PDE1A: variants seen among roughly 807,000 people sequenced by gnomAD.
PDE1A encodes the protein phosphodiesterase 1A, also known as dual specificity calcium/calmodulin-dependent 3',5'-cyclic nucleotide phosphodiesterase 1A.
A neutral mutation model predicts 61.7 loss-of-function variants in PDE1A; 35 were observed. The ratio of observed to expected loss-of-function variants is 0.57; its 90% confidence interval spans 0.43 to 0.75. The LOEUF is 0.75. Among genes scored for constraint, PDE1A ranks in the 30% least tolerant of loss-of-function variants. The pLI, the probability that PDE1A is intolerant of heterozygous loss-of-function variation, is 0.00. For synonymous variants in PDE1A, 232 were observed against 213.2 expected (o/e 1.09, Z -0.77); for missense variants, 597 against 630.6 (o/e 0.95, Z 0.57).
chr2:182,364,468 A>AAAAAAAAAAAAAAAAC (rs1699706397), intron 1 of PDE1A, among the ~76,000 whole-genome samples: 2 of 109,332 alleles, frequency 1.8e-5, no homozygotes, highest in Admixed American at 1.8e-4. Flanking sequence ...CACTTTGGTA[A>AAAAAAAAAAAAAAAAC]AAAAAAAAAA....
At chr2:182,166,982 C>T (rs560913408), downstream of PDE1A, among the ~76,000 whole-genome samples, 27 of 152,226 alleles carry the variant, frequency 1.8e-4, no homozygotes, top group African/African-American at 6.3e-4. Context: ...ACTTAGCTAA[C>T]CTTAAACTGA....
intron 1 of PDE1A, among the ~76,000 whole-genome samples, chr2:182,357,099 G>A (rs1227698421): frequency 6.6e-6 from 1 of 151,886 alleles, no homozygotes; most frequent in Non-Finnish European, 1.5e-5. Flanking sequence ...GTTAATGGGT[G>A]CAGCACACCA....
intron 1 of PDE1A, among the ~76,000 whole-genome samples, chr2:182,347,036 G>A (rs969192237): frequency 1.1e-4 from 16 of 152,094 alleles, no homozygotes; most frequent in African/African-American, 3.4e-4. Context: ...TGAAACCAAA[G>A]CTGAGATAAA....
At chr2:182,468,078 T>C (rs1034780648) in intron 2 of PDE1A, among the ~76,000 whole-genome samples, 2 of 152,006 alleles carry the variant, frequency 1.3e-5, no homozygotes, top group Non-Finnish European at 2.9e-5. Flanking sequence ...TTCAGTGTGA[T>C]GGTTGCTGAG....
intron 2 of PDE1A, among the ~76,000 whole-genome samples, chr2:182,453,323 T>C (rs1574694537): frequency 6.6e-6 from 1 of 151,718 alleles, no homozygotes; most frequent in Non-Finnish European, 1.5e-5. Context: ...ATGCAGGCCA[T>C]TTTTTTTCTC....
chr2:182,587,188 G>C, the PDE1A span, among the ~76,000 whole-genome samples: 2 of 152,162 alleles, frequency 1.3e-5, no homozygotes, highest in Non-Finnish European at 2.9e-5. Flanking sequence ...GGTCACACAA[G>C]GTTTTGTGTT....
At chr2:182,313,674 G>A (rs1049366641) in intron 1 of PDE1A, among the ~76,000 whole-genome samples, 4 of 152,108 alleles carry the variant, frequency 2.6e-5, no homozygotes, top group African/African-American at 7.2e-5. Flanking sequence ...TGAGCATATT[G>A]AGGAATGGTA....
the PDE1A span, among the ~76,000 whole-genome samples, chr2:182,642,607 G>A: frequency 6.6e-6 from 1 of 152,136 alleles, no homozygotes; most frequent in Non-Finnish European, 1.5e-5. Context: ...GGCCACACCG[G>A]TTGTTATGAA....
chr2:182,520,902 T>C (rs765674563), intron 2 of PDE1A, among the ~76,000 whole-genome samples: 2 of 152,016 alleles, frequency 1.3e-5, no homozygotes, highest in African/African-American at 2.4e-5. Flanking sequence ...TTTGCTTTGA[T>C]AGGATTACTT....
At chr2:182,292,353 T>G (rs890835019) in intron 1 of PDE1A, among the ~76,000 whole-genome samples, 2 of 152,022 alleles carry the variant, frequency 1.3e-5, no homozygotes, top group Non-Finnish European at 2.9e-5. Context: ...ACAATTTTTA[T>G]GACATTTATA....
chr2:182,666,761 T>C, the PDE1A span, among the ~76,000 whole-genome samples: 2 of 152,226 alleles, frequency 1.3e-5, no homozygotes, highest in East Asian at 3.8e-4. Flanking sequence ...CTTCTACCTC[T>C]ATCTAAGCCT....
At chr2:182,268,911 A>G (rs1692820986) in intron 1 of PDE1A, among the ~76,000 whole-genome samples, 1 of 152,138 alleles carries the variant, frequency 6.6e-6, no homozygotes, top group Non-Finnish European at 1.5e-5. Flanking sequence ...TTGATATGAT[A>G]GTTCCCCAAC....
At chr2:182,664,582 G>T in the PDE1A span, among the ~76,000 whole-genome samples, 69 of 152,278 alleles carry the variant, frequency 4.5e-4, no homozygotes, top group African/African-American at 1.6e-3. Context: ...GGCTTAAAAT[G>T]CTAAGTACCA....
At chr2:182,580,961 C>T in the PDE1A span, among the ~76,000 whole-genome samples, 1 of 152,044 alleles carries the variant, frequency 6.6e-6, no homozygotes. Flanking sequence ...TGTATCTTGT[C>T]ACTCTTACTC....
the PDE1A span, among the ~76,000 whole-genome samples, chr2:182,531,181 A>T: frequency 2.6e-5 from 4 of 151,940 alleles, no homozygotes; most frequent in African/African-American, 7.2e-5. Context: ...CTAAAAAAAA[A>T]GTGCTCAAGT....
intron 2 of PDE1A, among the ~76,000 whole-genome samples, chr2:182,477,183 G>GT (rs1320912667): frequency 2.0e-5 from 3 of 151,886 alleles, no homozygotes; most frequent in Admixed American, 6.6e-5. Context: ...ACCTATAGCA[G>GT]TAAGTGTACT....
chr2:182,161,681 GACCCACAAGGAGGTGCGCTAT>G (rs905915413), intron 13 of PDE1A, among the ~76,000 whole-genome samples: 1 of 152,094 alleles, frequency 6.6e-6, no homozygotes, highest in African/African-American at 2.4e-5. Flanking sequence ...TTCAGAGTGT[GACCCACAAGGAGGTGCGCTAT>G]ACTCCAAAAG....
chr2:182,273,297 C>A (rs1693166381), intron 1 of PDE1A, among the ~76,000 whole-genome samples: 1 of 151,894 alleles, frequency 6.6e-6, no homozygotes, highest in Admixed American at 6.6e-5. Flanking sequence ...GAATCACTGA[C>A]CATGACAAAT....
rs186087228 is a variant in PDE1A at position 182,361,450 on chromosome 2, T to C, written c.53+65128A>G. On this transcript the variant is annotated intron_variant, in intron 1 of 13. Coordinates refer to ENST00000351439, the Ensembl canonical transcript of PDE1A. Reference sequence around the variant, plus strand: ...TGTAAATCTAAACATGAGAGTTGTATTTAGATGAAACTACTTGTTTGTCTA... The same window carrying C: ...TGTAAATCTAAACATGAGAGTTGTACTTAGATGAAACTACTTGTTTGTCTA... Among the ~76,000 whole-genome samples, 114 of 152,236 alleles carry C rather than the reference T, an allele frequency of 7.5e-4. 2 individuals are homozygous for C. The Middle Eastern group carries it at 0.01, about 14-fold the overall frequency.
Sources: gnomAD v4.1 joint callset for allele counts (sites outside exome capture counted in the v4.1 genomes callset) on GRCh38, gnomAD v4.1.1 for gene constraint, MANE v1.5 for transcripts, NCBI Gene and HGNC (gene_info 2026-07-23, HGNC 2026-07-21) for gene names.